KIF14: variants seen among roughly 807,000 people sequenced by gnomAD.
The protein encoded by KIF14 is kinesin family member 14.
KIF14 carries 98 observed loss-of-function variants against 176.2 expected under a neutral mutation model. That is an observed-to-expected ratio of 0.56 (90% CI 0.47 to 0.66). KIF14 has a LOEUF of 0.66. Among genes scored for constraint, KIF14 ranks in the 30% least tolerant of loss-of-function variants. KIF14 has a pLI of 0.00. For synonymous variants in KIF14, 566 were observed against 632.2 expected (o/e 0.90, Z 1.57); for missense variants, 1,751 against 1,920.4 (o/e 0.91, Z 1.65).
chr1:200,556,266 A>G (rs1389381589), intron 27 of KIF14, among the ~76,000 whole-genome samples: 1 of 152,170 alleles, frequency 6.6e-6, no homozygotes, highest in East Asian at 1.9e-4. Flanking sequence ...TTACTCACAG[A>G]GAGCTTCCCT....
intron 6 of KIF14, 92 bp downstream of exon 6, chr1:200,606,654 G>A: frequency 9.0e-7 from 1 of 1,112,002 alleles, no homozygotes; most frequent in South Asian, 1.3e-5. Flanking sequence ...AGTTAGGAAG[G>A]CCAATGAGAA....
intron 8 of KIF14, 60 bp from the exon 9 acceptor site, chr1:200,604,015 T>C: frequency 9.9e-7 from 1 of 1,010,930 alleles, no homozygotes; most frequent in East Asian, 2.4e-5. Context: ...ATATAGGTTT[T>C]TTTAAAGGGA....
chr1:200,557,799 CCAATAGT>C (rs1475050377), intron 27 of KIF14, among the ~76,000 whole-genome samples: 1 of 152,122 alleles, frequency 6.6e-6, no homozygotes, highest in Non-Finnish European at 1.5e-5. Context: ...GGGACAGAAG[CCAATAGT>C]CCTCCACATG....
intron 11 of KIF14, among the ~76,000 whole-genome samples, chr1:200,601,007 C>T (rs977452500): frequency 2.0e-5 from 3 of 152,070 alleles, no homozygotes; most frequent in Non-Finnish European, 4.4e-5. Context: ...CTCAGCTTCC[C>T]GAGTAGCCAG....
In KIF14 at chr1:200,618,490, C is replaced by A; in HGVS notation, c.234G>T (p.Met78Ile). The change falls in exon 2 of 30, where the codon ATG becomes ATT. Residue 78 changes from methionine (M) to isoleucine (I), a missense_variant. Physicochemically the swap from Met to Ile is conservative, Grantham distance 10 (BLOSUM62 1). Coordinates refer to ENST00000367350, the MANE Select transcript of KIF14 (RefSeq NM_014875.3). The stretch of plus-strand genomic sequence containing the variant: ...TACCTACAGGATTAGGGGTAAGGGG[C>A]ATGTCTGCTGTTTTTCTACTGGCAG... Reference protein sequence around the residue: ...VISASRKTADMPLTPNPVGRL... With the variant: ...VISASRKTADIPLTPNPVGRL... 6.2e-7 allele frequency: 1 copy of A among 1,614,132 alleles called. No homozygotes were observed. The highest frequency in any genetic ancestry group is 8.5e-7 in the Non-Finnish European group (1 of 1,179,982).
At chr1:200,585,810 C>T (rs776008025) in intron 19 of KIF14, among the ~76,000 whole-genome samples, 1 of 152,152 alleles carries the variant, frequency 6.6e-6, no homozygotes, top group African/African-American at 2.4e-5. Flanking sequence ...ACTTACTCAC[C>T]TGCCAAAGAC....
At position 200,598,264 on chromosome 1, in the gene KIF14, G is replaced by T; in HGVS notation, c.2522C>A (p.Ser841Tyr). Reference protein sequence around the residue: ...KPNSSHDIQLSGVLIADDHCT... With the variant: ...KPNSSHDIQLYGVLIADDHCT... The stretch of plus-strand genomic sequence containing the variant: ...ATGATCATCAGCAATCAGCACCCCA[G>T]ATAACTGAATATCATGGCTTGAGTT... The change falls in exon 14 of 30, where the codon TCT (serine) becomes TAT (tyrosine). Residue 841 changes from serine to tyrosine, a missense_variant. Transcript: ENST00000367350. 6.2e-7 allele frequency: 1 copy of T among 1,612,844 alleles called. No individual in the cohort carries two copies. Among genetic ancestry groups the T allele is most frequent in the Non-Finnish European group, 8.5e-7 (1 of 1,179,588 alleles).
chr1:200,567,421 T>C (rs2102599939), intron 23 of KIF14, among the ~76,000 whole-genome samples: 1 of 151,644 alleles, frequency 6.6e-6, no homozygotes, highest in East Asian at 2.0e-4. Flanking sequence ...GGCAGGCGCC[T>C]GTAGCCCCAG....
chr1:200,590,557 G>T (rs1248392588), intron 16 of KIF14, among the ~76,000 whole-genome samples: 1 of 152,038 alleles, frequency 6.6e-6, no homozygotes, highest in South Asian at 2.1e-4. Context: ...ACATTATACA[G>T]AAATTTCCAT....
At chr1:200,603,118 G>T in intron 10 of KIF14, 108 bp downstream of exon 10, 1 of 609,092 alleles carries the variant, frequency 1.6e-6, no homozygotes, top group Non-Finnish European at 2.8e-6. Context: ...AATTCATAAT[G>T]CTTACCACCT....
At chr1:200,592,786 G>A (rs965493574) in intron 15 of KIF14, among the ~76,000 whole-genome samples, 1 of 152,164 alleles carries the variant, frequency 6.6e-6, no homozygotes, top group Non-Finnish European at 1.5e-5. Context: ...ACACAAACCT[G>A]GATGGTATAG....
rs1337497286 is a variant in KIF14 at position 200,593,526 on chromosome 1, TAGGAAAAAG to T, written c.2652+132_2652+140del. The T allele has an allele frequency of 2.5e-3, 1,594 of 640,624 alleles. 44 individuals are homozygous for T. The South Asian group carries it at 0.028, about 11-fold the overall frequency. The allele number at this position is 640,624 out of a possible 1,614,324, so 39.7% of individuals were successfully genotyped here. ...TGTCTTTGCACAAGAAAGCAATTAA[TAGGAAAAAG>T]AATTTTTGAAATGAAAAAGTCCTTA... On this transcript the variant is annotated intron_variant, in intron 15 of 29. Transcript: ENST00000367350.
chr1:200,611,274 C>G (rs925114056), intron 4 of KIF14, among the ~76,000 whole-genome samples: 3 of 152,164 alleles, frequency 2.0e-5, no homozygotes, highest in African/African-American at 7.2e-5. Flanking sequence ...TTGTGCCCTA[C>G]TAGGTACAAA....
intron 22 of KIF14, among the ~76,000 whole-genome samples, chr1:200,573,423 A>ATTTTTTTT (rs1657921825): frequency 1.2e-5 from 1 of 84,430 alleles, no homozygotes; most frequent in African/African-American, 6.0e-5. Context: ...CAAGGAGCTC[A>ATTTTTTTT]TTTCTTTTTT....
intron 27 of KIF14, 125 bp downstream of exon 27, chr1:200,559,205 T>C (rs1656992794): frequency 1.9e-6 from 1 of 529,886 alleles, no homozygotes; most frequent in Non-Finnish European, 2.9e-6. Context: ...TGTCAGCCTC[T>C]TCAGTGAAAA....
At chr1:200,598,463 T>A (rs200319945) in intron 13 of KIF14, 42 bp from the exon 14 acceptor site, 1 of 1,498,834 alleles carries the variant, frequency 6.7e-7, no homozygotes, top group Admixed American at 2.0e-5. Context: ...AATCACAGTA[T>A]GAAATTGTTA....
At chr1:200,571,000 G>A (rs1200062215) in intron 22 of KIF14, among the ~76,000 whole-genome samples, 1 of 152,100 alleles carries the variant, frequency 6.6e-6, no homozygotes, top group Admixed American at 6.6e-5. Context: ...TTTTAAACAG[G>A]GAAGTGATTT....
chr1:200,573,111 A>G (rs1380782659), intron 22 of KIF14, among the ~76,000 whole-genome samples: 1 of 152,178 alleles, frequency 6.6e-6, no homozygotes, highest in African/African-American at 2.4e-5. Context: ...AATCCTCGTA[A>G]CAACTCTGCA....
intron 4 of KIF14, among the ~76,000 whole-genome samples, chr1:200,609,602 T>C (rs1316997785): frequency 1.3e-5 from 2 of 152,206 alleles, no homozygotes; most frequent in African/African-American, 2.4e-5. Context: ...TGAGCTGAGA[T>C]TGTGCTACTG....
Sources: gnomAD v4.1 joint callset for allele counts (sites outside exome capture counted in the v4.1 genomes callset) on GRCh38, gnomAD v4.1.1 for gene constraint, MANE v1.5 for transcripts, NCBI Gene and HGNC (gene_info 2026-07-23, HGNC 2026-07-21) for gene names.